Variants in IRGM observed in about 807,000 individuals in gnomAD.
The protein encoded by IRGM is immunity-related GTPase family M protein.
For synonymous variants in IRGM, 98 were observed against 80.6 expected (o/e 1.22, Z -1.16); for missense variants, 288 against 219.9 (o/e 1.31, Z -1.96).
Position 150,858,459 on chromosome 5 carries a change from G to A in IRGM, c.158+9805G>A, listed in dbSNP as rs944946388. 2.1e-4 allele frequency among the ~76,000 whole-genome samples: 32 copies of A among 152,244 alleles called. No homozygotes were observed. The Middle Eastern group carries it at 0.01, about 49-fold the overall frequency. ...TTAAAGTAGTTTTTTCCAATTCTGC[G>A]AAGAAAGTCATTGGTAGCTTGATGG... On this transcript the variant is annotated intron_variant and NMD_transcript_variant, in intron 1 of 3. Coordinates refer to the IRGM transcript ENST00000520549.
At chr5:150,886,887 TTG>T (rs1229581959) in intron 3 of IRGM, among the ~76,000 whole-genome samples, 8 of 152,062 alleles carry the variant, frequency 5.3e-5, no homozygotes, top group African/African-American at 1.4e-4. Flanking sequence ...ATGATTTTTT[TTG>T]TGTCTTGATT....
chr5:150,861,410 A>C (rs1298107836), intron 1 of IRGM, among the ~76,000 whole-genome samples: 1 of 152,226 alleles, frequency 6.6e-6, no homozygotes, highest in East Asian at 1.9e-4. Flanking sequence ...AAGTAGCACA[A>C]AATTACTTCA....
chr5:150,896,611 T>C (rs1429162159), intron 3 of IRGM: 2 of 1,613,700 alleles, frequency 1.2e-6, no homozygotes, highest in East Asian at 2.2e-5. Context: ...TCAGGTTTTT[T>C]TCTTGAATTG....
At chr5:150,869,779 A>C (rs1405383718) in intron 1 of IRGM, among the ~76,000 whole-genome samples, 2 of 151,940 alleles carry the variant, frequency 1.3e-5, no homozygotes, top group East Asian at 3.9e-4. Context: ...AAGCTTTTTC[A>C]CCTTTCCAAT....
intron 1 of IRGM, among the ~76,000 whole-genome samples, chr5:150,861,500 A>C (rs989304869): frequency 2.0e-5 from 3 of 152,170 alleles, no homozygotes; most frequent in Non-Finnish European, 2.9e-5. Flanking sequence ...CACCAGAGGG[A>C]GTTGTTCATT....
chr5:150,867,123 C>T (rs7709650), intron 1 of IRGM, among the ~76,000 whole-genome samples: 25,119 of 152,124 alleles, frequency 0.17, 2,923 homozygotes, highest in East Asian at 0.43. Context: ...ATCACCCGCA[C>T]AGTGTACACT....
chr5:150,861,863 A>G (rs573632274), intron 1 of IRGM, among the ~76,000 whole-genome samples: 1 of 152,364 alleles, frequency 6.6e-6, no homozygotes, highest in South Asian at 2.1e-4. Context: ...AATATTTCAT[A>G]TTATTTCCTA....
At chr5:150,850,196 C>T (rs1753954151), downstream of IRGM, among the ~76,000 whole-genome samples, 1 of 152,016 alleles carries the variant, frequency 6.6e-6, no homozygotes, top group African/African-American at 2.4e-5. Flanking sequence ...TAAAAAATGT[C>T]TGCTTTATTG....
chr5:150,856,320 A>G (rs564935519), intron 1 of IRGM, among the ~76,000 whole-genome samples: 1 of 152,128 alleles, frequency 6.6e-6, no homozygotes, highest in Non-Finnish European at 1.5e-5. Flanking sequence ...GGTCCCAGCT[A>G]TTCAGGAGGC....
chr5:150,883,721 T>C (rs1754477475), intron 3 of IRGM, among the ~76,000 whole-genome samples: 2 of 151,512 alleles, frequency 1.3e-5, no homozygotes, highest in Admixed American at 1.3e-4. Flanking sequence ...AGACCAATAA[T>C]AAGTAAGGTG....
chr5:150,856,868 ATTAT>A (rs1197532143), intron 1 of IRGM, among the ~76,000 whole-genome samples: 9 of 147,354 alleles, frequency 6.1e-5, no homozygotes, highest in Non-Finnish European at 1.2e-4. Flanking sequence ...TTATTTATTA[ATTAT>A]TAATTAATAT....
chr5:150,870,782 A>C (rs943501005), intron 1 of IRGM, among the ~76,000 whole-genome samples: 2 of 152,086 alleles, frequency 1.3e-5, no homozygotes, highest in Non-Finnish European at 2.9e-5. Context: ...CCATTAGAGC[A>C]CTCAGTAATC....
At chr5:150,897,205 G>A (rs1754823002) in intron 3 of IRGM, 3 of 389,722 alleles carry the variant, frequency 7.7e-6, no homozygotes, top group East Asian at 3.8e-5. Context: ...GAAAAAGTGG[G>A]GTCTCATCAC....
chr5:150,866,759 C>T lies in IRGM; in HGVS notation c.159-11221C>T, dbSNP rs145181006. On this transcript the variant is annotated intron_variant and NMD_transcript_variant, in intron 1 of 3. Transcript: ENST00000520549. ...AATAACCTTTAGCACATTCATTTAC[C>T]GTTTTCCAAGAGATGAGTATCTTAG... Among the ~76,000 whole-genome samples, 999 of 152,210 alleles carry T rather than the reference C, an allele frequency of 6.6e-3. 12 individuals carry two copies. The highest frequency in any genetic ancestry group is 0.023 in the African/African-American group (953 of 41,540).
At position 150,877,679 on chromosome 5, in the gene IRGM, A is replaced by G. The variant is rs139974371; in HGVS notation, c.159-301A>G. Among the ~76,000 whole-genome samples, 1,162 of 152,300 alleles carry G rather than the reference A, an allele frequency of 7.6e-3. 14 individuals carry two copies. Among genetic ancestry groups the G allele is most frequent in the African/African-American group, 0.027 (1,111 of 41,552 alleles). On this transcript the variant is annotated intron_variant and NMD_transcript_variant, in intron 1 of 3. Coordinates refer to the IRGM transcript ENST00000520549. Reference sequence around the variant, plus strand: ...GAGGGTAAGTAGCCTGCCCAGGATCACATAGGTTTTAAGACAGTGACACCT... The same window carrying G: ...GAGGGTAAGTAGCCTGCCCAGGATCGCATAGGTTTTAAGACAGTGACACCT...
chr5:150,876,907 G>C (rs1242604319), intron 1 of IRGM, among the ~76,000 whole-genome samples: 1 of 152,076 alleles, frequency 6.6e-6, no homozygotes, highest in African/African-American at 2.4e-5. Context: ...ACATGTTTGT[G>C]CATTTATACA....
At chr5:150,855,988 TTCAAAAC>T (rs531861623) in intron 1 of IRGM, among the ~76,000 whole-genome samples, 1 of 151,134 alleles carries the variant, frequency 6.6e-6, no homozygotes, top group Non-Finnish European at 1.5e-5. Context: ...ATGTTTTAAC[TTCAAAAC>T]TCAAGAGATT....
At chr5:150,867,387 G>C (rs992458143) in intron 1 of IRGM, among the ~76,000 whole-genome samples, 2 of 152,040 alleles carry the variant, frequency 1.3e-5, no homozygotes, top group African/African-American at 4.8e-5. Flanking sequence ...TGATTGATGG[G>C]CATTTGGGCT....
chr5:150,869,852 T>C (rs1754257968), intron 1 of IRGM, among the ~76,000 whole-genome samples: 1 of 152,172 alleles, frequency 6.6e-6, no homozygotes, highest in Non-Finnish European at 1.5e-5. Flanking sequence ...ACTTTTCGTA[T>C]AGTTGTAAGA....
Sources: allele counts gnomAD v4.1 joint callset (sites outside exome capture counted in the v4.1 genomes callset), GRCh38; gene constraint gnomAD v4.1.1; transcripts MANE v1.5; gene names NCBI Gene and HGNC (gene_info 2026-07-23, HGNC 2026-07-21).